The following MORC1 variants were observed in gnomAD, a reference collection of about 807,000 sequenced individuals.
MORC1 encodes the protein MORC family CW-type zinc finger 1.
Under a neutral mutation model 134.9 loss-of-function variants are expected in MORC1, and 59 were observed. That is an observed-to-expected ratio of 0.44 (90% CI 0.35 to 0.54). MORC1 has a LOEUF of 0.54. Among genes scored for constraint, MORC1 ranks in the 20% least tolerant of loss-of-function variants. The probability of loss-of-function intolerance (pLI) is 0.00; values close to 1 mark genes in which losing one functional copy is unlikely to be tolerated. For synonymous variants in MORC1, 395 were observed against 391.7 expected (o/e 1.01, Z -0.10); for missense variants, 947 against 1,134.5 (o/e 0.83, Z 2.37).
chr3:109,054,833 C>T lies in MORC1; in HGVS notation c.1225G>A (p.Glu409Lys). 7 of 1,607,838 alleles carry T rather than the reference C, an allele frequency of 4.4e-6. No homozygotes were observed. The highest frequency in any genetic ancestry group is 1.1e-5 in the South Asian group (1 of 89,656). ...GIVNIPLEVM[E>K]PSHNKQEFLN... ...AATTCCTGTTTATTATGGGATGGTT[C>T]CATGACCTCCAAGGGTATATTAACA... is the stretch of plus-strand genomic sequence containing the variant. The change falls in exon 14 of 28, where the codon GAA becomes AAA. Residue 409 changes from glutamate (E) to lysine (K), a missense_variant. By Grantham distance (56) the Glu-to-Lys change is moderately conservative. Coordinates refer to ENST00000232603, the MANE Select transcript of MORC1 (RefSeq NM_014429.4).
At chr3:109,009,204 G>GTTTT (rs1207320361) in intron 17 of MORC1, among the ~76,000 whole-genome samples, 5 of 96,760 alleles carry the variant, frequency 5.2e-5, no homozygotes, top group African/African-American at 7.5e-5. Context: ...TACGTTTTTT[G>GTTTT]TTGTTTTTTT....
At chr3:108,974,839 T>C (rs1947505071) in intron 24 of MORC1, among the ~76,000 whole-genome samples, 1 of 152,272 alleles carries the variant, frequency 6.6e-6, no homozygotes, top group African/African-American at 2.4e-5. Context: ...ATTCAGAATC[T>C]TGGCTATGAA....
chr3:109,028,552 G>A (rs1242432632), intron 16 of MORC1, among the ~76,000 whole-genome samples: 1 of 152,094 alleles, frequency 6.6e-6, no homozygotes, highest in Admixed American at 6.5e-5. Flanking sequence ...TAATAATGTA[G>A]GATGATTTGT....
chr3:109,114,584 T>C, intron 1 of MORC1, 147 bp from the exon 2 acceptor site: 1 of 668,452 alleles, frequency 1.5e-6, no homozygotes, highest in South Asian at 2.2e-5. Context: ...CTCAGCACGG[T>C]CAAGATTCGG....
intron 4 of MORC1, among the ~76,000 whole-genome samples, chr3:109,101,226 T>C (rs1950919696): frequency 6.6e-6 from 1 of 152,206 alleles, no homozygotes. Flanking sequence ...ATTACAAGTG[T>C]TATAATTACT....
intron 8 of MORC1, among the ~76,000 whole-genome samples, chr3:109,085,597 G>C (rs1950602274): frequency 1.3e-5 from 2 of 152,030 alleles, no homozygotes; most frequent in Admixed American, 1.3e-4. Context: ...TTTATCCAAA[G>C]ACAGGGAATA....
chr3:109,024,044 G>A (rs1417154335), intron 17 of MORC1, among the ~76,000 whole-genome samples: 1 of 152,178 alleles, frequency 6.6e-6, no homozygotes, highest in Non-Finnish European at 1.5e-5. Context: ...TTACATGGAG[G>A]ACAACCCCTT....
intron 22 of MORC1, 37 bp from the exon 23 acceptor site, chr3:108,984,819 G>A (rs779463218): frequency 2.6e-6 from 4 of 1,537,494 alleles, no homozygotes; most frequent in Non-Finnish European, 3.6e-6. Flanking sequence ...GCATTTGGAT[G>A]ATCACACAAT....
In MORC1 at chr3:109,007,067, T is replaced by C. The variant is rs763088450; in HGVS notation, c.1729A>G (p.Ile577Val). ...GTTAGGCAGGTGGAAGTGACAGTGA[T>C]TTCGTCCACTGGTATAAATTGAGGC... Reference protein sequence around the residue: ...PQPQFIPVDEITVTSTCLTSA... With the variant: ...PQPQFIPVDEVTVTSTCLTSA... The change falls in exon 18 of 28, where the codon ATC (isoleucine) becomes GTC (valine). Residue 577 changes from isoleucine to valine, a missense_variant. Coordinates refer to ENST00000232603, the MANE Select transcript of MORC1 (RefSeq NM_014429.4). 21 of 1,612,206 alleles carry C rather than the reference T, an allele frequency of 1.3e-5. No individual in the cohort carries two copies. In the South Asian group the frequency reaches 2.0e-4, roughly 15 times the overall value.
At chr3:109,018,181 C>A (rs1185804461) in intron 17 of MORC1, among the ~76,000 whole-genome samples, 2 of 151,938 alleles carry the variant, frequency 1.3e-5, no homozygotes, top group Non-Finnish European at 2.9e-5. Context: ...AAAGAATGCT[C>A]CTTTCTAATT....
chr3:109,001,955 C>T (rs1948414913), intron 20 of MORC1, among the ~76,000 whole-genome samples: 1 of 152,192 alleles, frequency 6.6e-6, no homozygotes, highest in Non-Finnish European at 1.5e-5. Flanking sequence ...CACCATTCAA[C>T]CTGGTGAAAG....
intron 24 of MORC1, among the ~76,000 whole-genome samples, chr3:108,973,892 G>T (rs544433177): frequency 1.3e-5 from 2 of 151,994 alleles, no homozygotes; most frequent in Admixed American, 6.6e-5. Flanking sequence ...CACCGCACCC[G>T]GCCAATCCAA....
chr3:109,086,277 G>T (rs968198540), intron 8 of MORC1, among the ~76,000 whole-genome samples: 5 of 151,680 alleles, frequency 3.3e-5, no homozygotes, highest in African/African-American at 1.2e-4. Context: ...ATATTTAAGG[G>T]GATGAATATC....
intron 23 of MORC1, among the ~76,000 whole-genome samples, chr3:108,982,595 G>A (rs1484115545): frequency 1.3e-5 from 2 of 150,728 alleles, no homozygotes; most frequent in South Asian, 2.1e-4. Context: ...GGGGGGGCAG[G>A]GGGAGGGATA....
chr3:109,002,311 G>A (rs1448109171), intron 20 of MORC1, among the ~76,000 whole-genome samples: 1 of 152,108 alleles, frequency 6.6e-6, no homozygotes, highest in Non-Finnish European at 1.5e-5. Flanking sequence ...ATAGAGAAGA[G>A]ATAAAGCAAG....
intron 13 of MORC1, among the ~76,000 whole-genome samples, chr3:109,056,716 G>C (rs1949970802): frequency 2.0e-5 from 3 of 152,164 alleles, no homozygotes; most frequent in Non-Finnish European, 4.4e-5. Flanking sequence ...TGAATGAATT[G>C]CTAATTCCTT....
chr3:109,027,240 A>G (rs1949098660), intron 17 of MORC1, among the ~76,000 whole-genome samples: 1 of 152,200 alleles, frequency 6.6e-6, no homozygotes, highest in African/African-American at 2.4e-5. Context: ...TACACTCGAA[A>G]TTGTCATGGT....
At chr3:108,990,898 T>TCTCTCTCTCTCTC (rs1559876202) in intron 21 of MORC1, among the ~76,000 whole-genome samples, 28 of 145,752 alleles carry the variant, frequency 1.9e-4, no homozygotes, top group Middle Eastern at 3.5e-3. Context: ...GTTTCTCTCT[T>TCTCTCTCTCTCTC]TCTCTCTCTC....
intron 17 of MORC1, among the ~76,000 whole-genome samples, 173 bp downstream of exon 17, chr3:109,027,578 T>TTTC (rs1553751373): frequency 2.0e-5 from 3 of 151,886 alleles, no homozygotes; most frequent in Non-Finnish European, 4.4e-5. Context: ...TTTTTTTTTT[T>TTTC]ACAAAACTCA....
Sources: allele counts gnomAD v4.1 joint callset (sites outside exome capture counted in the v4.1 genomes callset), GRCh38; gene constraint gnomAD v4.1.1; transcripts MANE v1.5; gene names NCBI Gene and HGNC (gene_info 2026-07-23, HGNC 2026-07-21).